Variants in STOML3 observed in about 807,000 individuals in gnomAD.
The protein encoded by STOML3 is stomatin like 3.
STOML3 carries 31 observed loss-of-function variants against 29.5 expected under a neutral mutation model. That is an observed-to-expected ratio of 1.05 (90% CI 0.79 to 1.42). The LOEUF (loss-of-function observed/expected upper bound fraction) is 1.42, where lower values mean the gene tolerates loss of function less well. STOML3 is among the 40% of genes most tolerant of loss of function. STOML3 has a pLI of 0.00. For synonymous variants in STOML3, 122 were observed against 139.8 expected (o/e 0.87, Z 0.90); for missense variants, 380 against 363.0 (o/e 1.05, Z -0.38).
At chr13:38,969,408 C>A (rs1305077537) in intron 5 of STOML3, among the ~76,000 whole-genome samples, 5 of 152,096 alleles carry the variant, frequency 3.3e-5, no homozygotes, top group African/African-American at 1.2e-4. Context: ...AGTGACCTGG[C>A]TGTGGATGGG....
chr13:38,987,626 T>C (rs918723462), intron 1 of STOML3, among the ~76,000 whole-genome samples: 2 of 146,116 alleles, frequency 1.4e-5, no homozygotes, highest in African/African-American at 5.0e-5. Flanking sequence ...TCTGTAATGC[T>C]TACAGGACTG....
intron 3 of STOML3, 63 bp from the exon 4 acceptor site, chr13:38,972,657 A>T (rs1183401868): frequency 2.8e-6 from 4 of 1,425,170 alleles, no homozygotes; most frequent in African/African-American, 2.8e-5. Context: ...GTAGTCTCAT[A>T]GCAGCATAGT....
At position 38,986,392 on chromosome 13, in the gene STOML3, G is replaced by A. The variant is rs2138026734; in HGVS notation, c.52+4278C>T. Reference sequence around the variant, plus strand: ...ATTATCATGTCAAGTTTTACAAAAAGGAAGTGCTTTGTGTTATCAAAGCAG... The same window carrying A: ...ATTATCATGTCAAGTTTTACAAAAAAGAAGTGCTTTGTGTTATCAAAGCAG... On this transcript the variant is annotated intron_variant, in intron 1 of 6. Transcript: ENST00000379631. Among the ~76,000 whole-genome samples the A allele has an allele frequency of 2.0e-5, 3 of 152,170 alleles. No individual in the cohort carries two copies. In the South Asian group the frequency reaches 6.2e-4, roughly 32 times the overall value.
At chr13:38,968,298 C>T in intron 6 of STOML3, 102 bp downstream of exon 6, 1 of 1,487,008 alleles carries the variant, frequency 6.7e-7, no homozygotes, top group Non-Finnish European at 9.0e-7. Context: ...ACCCCTTTCT[C>T]ATGCAAATAA....
At chr13:38,972,465 G>T in intron 4 of STOML3, 47 bp downstream of exon 4, 1 of 1,558,726 alleles carries the variant, frequency 6.4e-7, no homozygotes, top group East Asian at 2.2e-5. Flanking sequence ...TTATAATAGA[G>T]AAAATACAAG....
chr13:38,979,637 C>T (rs543480045), intron 1 of STOML3, among the ~76,000 whole-genome samples: 6 of 152,232 alleles, frequency 3.9e-5, no homozygotes, highest in Admixed American at 6.5e-5. Context: ...TTTATTGTTG[C>T]GTACTATGCC....
chr13:38,976,795 CACCTA>C lies in STOML3; in HGVS notation c.53-3_54del. 6.2e-7 allele frequency: 1 copy of C among 1,612,664 alleles called. No individual in the cohort carries two copies. The highest frequency in any genetic ancestry group is 1.3e-5 in the African/African-American group (1 of 74,924). ...CATACACCAAGCCGTTTATTGTTGA[CACCTA>C]GGAAATGAGAAGGAAGCAAATATGT... On this transcript the variant is annotated splice_acceptor_variant and splice_polypyrimidine_tract_variant and coding_sequence_variant and intron_variant, in exon 2 of 7. Transcript: ENST00000379631. LOFTEE classifies it high-confidence loss of function.
At chr13:38,984,774 C>T (rs998775352) in intron 1 of STOML3, among the ~76,000 whole-genome samples, 1 of 152,168 alleles carries the variant, frequency 6.6e-6, no homozygotes, top group African/African-American at 2.4e-5. Flanking sequence ...TGTACACCCT[C>T]TATCATAACT....
chr13:38,988,104 T>C (rs1868709634), intron 1 of STOML3, among the ~76,000 whole-genome samples: 1 of 107,364 alleles, frequency 9.3e-6, no homozygotes, highest in Non-Finnish European at 1.7e-5. Context: ...TGTTATATTT[T>C]ATATCATATA....
At chr13:38,987,852 T>C (rs1190126992) in intron 1 of STOML3, among the ~76,000 whole-genome samples, 1 of 99,222 alleles carries the variant, frequency 1.0e-5, no homozygotes, top group South Asian at 2.8e-4. Context: ...TTATATAATA[T>C]ATTATATGTT....
intron 1 of STOML3, among the ~76,000 whole-genome samples, chr13:38,984,036 T>C (rs1391668927): frequency 2.6e-5 from 4 of 152,090 alleles, no homozygotes; most frequent in Admixed American, 6.6e-5. Flanking sequence ...CCACAGCAGC[T>C]TCCTCATGCT....
intron 1 of STOML3, among the ~76,000 whole-genome samples, chr13:38,983,287 C>G (rs907761315): frequency 2.6e-5 from 4 of 152,198 alleles, no homozygotes; most frequent in Non-Finnish European, 5.9e-5. Flanking sequence ...CCCTACCACC[C>G]CTTGCTTCAG....
Position 38,978,038 on chromosome 13 carries a change from G to A in STOML3, c.53-1241C>T, listed in dbSNP as rs182470046. On this transcript the variant is annotated intron_variant, in intron 1 of 6. Transcript: ENST00000379631. ...GCCTCCCAAAGTTCTGGGATTACAG[G>A]CGTGAGCCACCGCGCCCGGCCAGGG... Among the ~76,000 whole-genome samples, 129 of 152,214 alleles carry A rather than the reference G, an allele frequency of 8.5e-4. 1 individual carries two copies. The highest frequency in any genetic ancestry group is 3.0e-3 in the African/African-American group (125 of 41,542).
At chr13:38,988,317 ATAT>A (rs1214939428) in intron 1 of STOML3, among the ~76,000 whole-genome samples, 1 of 81,624 alleles carries the variant, frequency 1.2e-5, no homozygotes, top group Non-Finnish European at 2.0e-5. Flanking sequence ...TATATATAAT[ATAT>A]TATATTTTAT....
chr13:38,985,784 A>T (rs1050119590), intron 1 of STOML3, among the ~76,000 whole-genome samples: 3 of 151,816 alleles, frequency 2.0e-5, no homozygotes, highest in Non-Finnish European at 2.9e-5. Flanking sequence ...AAACAGTAAG[A>T]TGCAAAATTA....
At chr13:38,989,659 G>A (rs1245684535) in intron 1 of STOML3, among the ~76,000 whole-genome samples, 2 of 151,650 alleles carry the variant, frequency 1.3e-5, no homozygotes, top group Non-Finnish European at 2.9e-5. Context: ...ACCACACCTG[G>A]CTAAATTTTG....
intron 5 of STOML3, among the ~76,000 whole-genome samples, chr13:38,969,614 C>T (rs746294968): frequency 2.0e-5 from 3 of 152,152 alleles, no homozygotes; most frequent in Non-Finnish European, 2.9e-5. Flanking sequence ...AAATGTAATT[C>T]ATCTAAGAAA....
chr13:38,986,355 G>A (rs1001479490), intron 1 of STOML3, among the ~76,000 whole-genome samples: 2 of 151,998 alleles, frequency 1.3e-5, no homozygotes, highest in African/African-American at 4.8e-5. Flanking sequence ...ATTTTTAAAA[G>A]TAAAATTTAA....
intron 3 of STOML3, among the ~76,000 whole-genome samples, chr13:38,976,203 A>G (rs1881068698): frequency 6.6e-6 from 1 of 152,158 alleles, no homozygotes; most frequent in Non-Finnish European, 1.5e-5. Context: ...TTGGCCATTT[A>G]CTTTGCCTCT....
Sources: allele counts gnomAD v4.1 joint callset (sites outside exome capture counted in the v4.1 genomes callset), GRCh38; gene constraint gnomAD v4.1.1; transcripts MANE v1.5; gene names NCBI Gene and HGNC (gene_info 2026-07-23, HGNC 2026-07-21).